Variants in NLRC3 observed in about 807,000 individuals in gnomAD.
NLRC3 encodes the protein NLR family CARD domain containing 3, also known as NLR family CARD domain-containing protein 3.
Under a neutral mutation model 91.6 loss-of-function variants are expected in NLRC3, and 87 were observed. The observed-to-expected ratio is 0.95, with a 90% CI of 0.80 to 1.14. The LOEUF (loss-of-function observed/expected upper bound fraction) is 1.14. Among genes scored for constraint, NLRC3 ranks in the 50% most tolerant of loss-of-function variants. The probability of loss-of-function intolerance (pLI) is 0.00; values close to 1 mark genes in which losing one functional copy is unlikely to be tolerated. For synonymous variants in NLRC3, 694 were observed against 625.3 expected (o/e 1.11, Z -1.64); for missense variants, 1,577 against 1,418.6 (o/e 1.11, Z -1.79).
chr16:3,558,582 CCA>C (rs3067979), intron 6 of NLRC3, among the ~76,000 whole-genome samples: 39,907 of 147,354 alleles, frequency 0.27, 5,993 homozygotes, highest in African/African-American at 0.42. Flanking sequence ...TAAAAAAAAA[CCA>C]CACACACACA....
At chr16:3,559,117 A>G (rs909186801) in intron 6 of NLRC3, among the ~76,000 whole-genome samples, 1 of 152,202 alleles carries the variant, frequency 6.6e-6, no homozygotes, top group African/African-American at 2.4e-5. Flanking sequence ...ACTGGAATAA[A>G]GTCTCTTTTC....
At chr16:3,556,442 CTT>C (rs1424647209) in intron 8 of NLRC3, among the ~76,000 whole-genome samples, 1 of 148,968 alleles carries the variant, frequency 6.7e-6, no homozygotes, top group Admixed American at 6.8e-5. Flanking sequence ...ACCCTGGAAA[CTT>C]GCGTAGGGCA....
Position 3,550,503 on chromosome 16 carries a change from A to G in NLRC3, c.2352-6T>C. On this transcript the variant is annotated splice_polypyrimidine_tract_variant and splice_region_variant and intron_variant, in intron 10 of 19. Coordinates refer to ENST00000359128, the MANE Select transcript of NLRC3 (RefSeq NM_178844.4). Reference sequence around the variant, plus strand: ...CAATACTATTACTGGAGAACCTGCAAGAGAAGGGATATGGATGAGCCAGCC... The same window carrying G: ...CAATACTATTACTGGAGAACCTGCAGGAGAAGGGATATGGATGAGCCAGCC... 1 of 1,606,876 alleles carries G rather than the reference A, an allele frequency of 6.2e-7. No individual in the cohort carries two copies. The highest frequency in any genetic ancestry group is 8.5e-7 in the Non-Finnish European group (1 of 1,173,408).
intron 15 of NLRC3, 194 bp from the exon 16 acceptor site, chr16:3,544,523 G>A: frequency 1.7e-6 from 1 of 581,488 alleles, no homozygotes; most frequent in Non-Finnish European, 3.1e-6. Flanking sequence ...AGAGGCGTCT[G>A]GGGCCTGCAT....
Position 3,540,875 on chromosome 16 carries a change from G to A in NLRC3, c.*950C>T, listed in dbSNP as rs2038365979. 1 of 152,064 alleles carries A rather than the reference G, an allele frequency of 6.6e-6. No homozygotes were observed. Among genetic ancestry groups the A allele is most frequent in the Non-Finnish European group, 1.5e-5 (1 of 68,026 alleles). 9.4% of individuals were successfully genotyped at this position (152,064 alleles called of 1,614,324 possible). A position where few individuals can be genotyped will look rare whatever the true frequency, so the allele number is the denominator to read the frequency against. ...CAGTGTGCCAGACTCCAGACAACAT[G>A]TGCCAGGCATCACCCATGTCTTTGA... On this transcript the variant is annotated 3_prime_UTR_variant, in exon 20 of 20. Transcript: ENST00000359128.
Position 3,564,697 on chromosome 16 carries a change from C to G in NLRC3, c.240G>C (p.Leu80=). ...LLSKVGGGPE[L]GGPWHRLASL... Reference sequence around the variant, plus strand: ...AGGCCAGCCTGTGCCAGGGTCCGCCCAGCTCCGGGCCACCTCCCACCTTGC... The same window carrying G: ...AGGCCAGCCTGTGCCAGGGTCCGCCGAGCTCCGGGCCACCTCCCACCTTGC... The change falls in exon 5 of 20, where the codon CTG becomes CTC. Residue 80 remains leucine, a synonymous_variant. Coordinates refer to ENST00000359128, the MANE Select transcript of NLRC3 (RefSeq NM_178844.4). The surrounding 1 kb of genome is among the most constrained non-coding windows in gnomAD (Gnocchi z 5.9). The G allele has an allele frequency of 6.3e-7, 1 of 1,599,212 alleles. No homozygotes were observed. Among genetic ancestry groups the G allele is most frequent in the Middle Eastern group, 1.7e-4 (1 of 6,042 alleles).
chr16:3,543,869 C>T, intron 16 of NLRC3: 2 of 347,822 alleles, frequency 5.8e-6, no homozygotes, highest in South Asian at 7.4e-5. Context: ...AAAATAACGT[C>T]CAGGCCAGGT....
Position 3,563,584 on chromosome 16 carries a change from G to A in NLRC3, c.1353C>T (p.Tyr451=). 1 of 1,612,892 alleles carries A rather than the reference G, an allele frequency of 6.2e-7. No individual in the cohort carries two copies. Residue 451 remains tyrosine (Y), a synonymous_variant, in exon 5 of 20, where the codon TAC becomes TAT. Coordinates refer to ENST00000359128, the MANE Select transcript of NLRC3 (RefSeq NM_178844.4). ...CCTGCAGGGACAGGTGGGTGAAGCA[G>A]TAGGCCACTGACGATGCCAACGTCT... ...REETLASSVA[Y]CFTHLSLQEF...
intron 12 of NLRC3, 34 bp from the exon 13 acceptor site, chr16:3,549,259 G>A (rs763641030): frequency 2.0e-5 from 29 of 1,470,376 alleles, no homozygotes; most frequent in Middle Eastern, 1.7e-4. Context: ...GCTTCTGACC[G>A]GGCAGATGAG....
rs997979573 is a variant in NLRC3 at position 3,560,861 on chromosome 16, G to A, written c.2015+841C>T. On this transcript the variant is annotated intron_variant, in intron 6 of 19. Coordinates refer to ENST00000359128, the MANE Select transcript of NLRC3 (RefSeq NM_178844.4). ...TTTTTAGTAGAGACAGGGTTTCACC[G>A]TGTTAGTCAGGATGGTCTCGATTTC... is the stretch of plus-strand genomic sequence containing the variant. Among the ~76,000 whole-genome samples, 75 of 151,516 alleles carry A rather than the reference G, an allele frequency of 4.9e-4. 1 individual carries two copies. Among genetic ancestry groups the A allele is most frequent in the African/African-American group, 1.7e-3 (70 of 41,398 alleles).
At position 3,552,267 on chromosome 16, in the gene NLRC3, G is replaced by A. The variant is rs750674696; in HGVS notation, c.2280C>T (p.Asn760=). 1.9e-6 allele frequency: 3 copies of A among 1,612,812 alleles called. No individual in the cohort carries two copies. The highest frequency in any genetic ancestry group is 2.7e-5 in the African/African-American group (2 of 74,920). ...GCTGGGCTCCCATGGGCCCGATGCT[G>A]TTCTTCTGCAGGCTGTGGGAGAAAA... ...RTLSMLHLQK[N]SIGPMGAQRM... is the part of the protein sequence containing the mutation. Residue 760 remains asparagine, a synonymous_variant, in exon 10 of 20, where the codon AAC becomes AAT. Transcript: ENST00000359128.
rs1187212040 is a variant in NLRC3 at position 3,542,184 on chromosome 16, C to T, written c.3107+7G>A. On this transcript the variant is annotated splice_region_variant and intron_variant, in intron 19 of 19. Transcript: ENST00000359128. ...TAAGGGTGAGCAGGAAGGGCAGGTG[C>T]ACTCACTTGATATGCTGGAGCCTGT... The T allele has an allele frequency of 1.3e-6, 2 of 1,559,894 alleles. No homozygotes were observed. The highest frequency in any genetic ancestry group is 1.7e-6 in the Non-Finnish European group (2 of 1,145,912).
intron 1 of NLRC3, among the ~76,000 whole-genome samples, chr16:3,568,431 A>G (rs2039967720): frequency 6.6e-6 from 1 of 152,158 alleles, no homozygotes; most frequent in Non-Finnish European, 1.5e-5. Context: ...GATAAAAAAT[A>G]TGGGATTTTG....
chr16:3,555,933 A>AATAT (rs2039291462), intron 8 of NLRC3: 1 of 126,192 alleles, frequency 7.9e-6, no homozygotes, highest in South Asian at 2.3e-4. Context: ...AAAATAAATA[A>AATAT]ATAAATAAAT....
At chr16:3,569,097 T>C (rs950168167) in intron 1 of NLRC3, among the ~76,000 whole-genome samples, 2 of 151,982 alleles carry the variant, frequency 1.3e-5, no homozygotes, top group Admixed American at 1.3e-4. Context: ...GCAGATCACT[T>C]GAGGTCAGGA....
intron 12 of NLRC3, among the ~76,000 whole-genome samples, chr16:3,549,444 G>A (rs2038880972): frequency 1.3e-5 from 2 of 152,190 alleles, no homozygotes; most frequent in Admixed American, 6.5e-5. Context: ...TACAGGGAGA[G>A]GACAGGATGA....
chr16:3,567,543 G>C (rs1323489692), intron 1 of NLRC3, among the ~76,000 whole-genome samples: 1 of 152,172 alleles, frequency 6.6e-6, no homozygotes, highest in Middle Eastern at 3.4e-3. Flanking sequence ...GGAGGCTGAG[G>C]CAGGCGGATC....
At chr16:3,543,346 C>G (rs2038506951) in intron 17 of NLRC3, 79 bp downstream of exon 17, 2 of 1,004,676 alleles carry the variant, frequency 2.0e-6, no homozygotes, top group Non-Finnish European at 3.1e-6. Context: ...TGTCTGTAAA[C>G]TTTGTCCCCA....
Position 3,564,771 on chromosome 16 carries a change from G to A in NLRC3, c.179-13C>T, listed in dbSNP as rs757452991. The A allele has an allele frequency of 1.5e-5, 23 of 1,568,526 alleles. No homozygotes were observed. Among genetic ancestry groups the A allele is most frequent in the Non-Finnish European group, 1.9e-5 (22 of 1,161,160 alleles). On this transcript the variant is annotated splice_polypyrimidine_tract_variant and intron_variant, in intron 4 of 19. Transcript: ENST00000359128. This position sits in a 1 kb window ranked among gnomAD's most constrained non-coding sequence, Gnocchi z 5.9. ...TGTATCCTTGAGTCTGCGGGACAGA[G>A]GCCAGTGGGGAGGTCTGGTAAGGGA...
Sources: gnomAD v4.1 joint callset for allele counts (sites outside exome capture counted in the v4.1 genomes callset) on GRCh38, gnomAD v4.1.1 for gene constraint, Gnocchi (gnomAD v3.1) non-coding constraint, MANE v1.5 for transcripts, NCBI Gene and HGNC (gene_info 2026-07-23, HGNC 2026-07-21) for gene names.